Variants in IL1RN observed in about 807,000 individuals in gnomAD.
IL1RN encodes the protein interleukin-1 receptor antagonist protein.
Under a neutral mutation model 13.7 loss-of-function variants are expected in IL1RN, and 10 were observed. That is an observed-to-expected ratio of 0.73 (90% CI 0.45 to 1.24). IL1RN has a LOEUF of 1.24. IL1RN is among the 50% of genes most tolerant of loss of function. The pLI, the probability that IL1RN is intolerant of heterozygous loss-of-function variation, is 0.00. For synonymous variants in IL1RN, 102 were observed against 82.7 expected, an observed-to-expected ratio of 1.23 and a Z score of -1.27; for missense variants, 213 against 222.1, an observed-to-expected ratio of 0.96 and a Z score of 0.26.
chr2:113,108,423 C>A (rs1456698525), upstream of IL1RN, among the ~76,000 whole-genome samples: 1 of 150,782 alleles, frequency 6.6e-6, no homozygotes, highest in African/African-American at 2.5e-5. Flanking sequence ...CCCCACCCCA[C>A]AACAGTCCCC....
At chr2:113,115,679 G>C (rs45587731), upstream of IL1RN, 3 of 152,300 alleles carry the variant, frequency 2.0e-5, no homozygotes, top group Admixed American at 2.0e-4. Flanking sequence ...CTGGGATGTT[G>C]GGCTCCAGGC....
chr2:113,126,460 A>G (rs941008584), upstream of IL1RN, among the ~76,000 whole-genome samples: 53 of 152,176 alleles, frequency 3.5e-4, no homozygotes, highest in African/African-American at 1.3e-3. Flanking sequence ...CCAGCTCTAA[A>G]ACACTGCAAC....
the IL1RN span, among the ~76,000 whole-genome samples, chr2:113,100,184 G>A: frequency 6.6e-6 from 1 of 151,298 alleles, no homozygotes; most frequent in Non-Finnish European, 1.5e-5. Context: ...CAATTAGCCG[G>A]GCGTGGTGGC....
the IL1RN span, among the ~76,000 whole-genome samples, chr2:113,099,860 G>A: frequency 2.8e-5 from 4 of 144,506 alleles, no homozygotes; most frequent in Non-Finnish European, 4.5e-5. Context: ...TCAGCCTCCC[G>A]AGTAGCTGGG....
chr2:113,129,759 G>A (rs1252921678), intron 2 of IL1RN, 95 bp downstream of exon 2: 8 of 840,306 alleles, frequency 9.5e-6, no homozygotes, highest in Non-Finnish European at 1.5e-5. Flanking sequence ...AACCCTAGGT[G>A]CAATGTCCTA....
upstream of IL1RN, among the ~76,000 whole-genome samples, chr2:113,113,640 T>C (rs1686539959): frequency 1.3e-5 from 2 of 152,296 alleles, no homozygotes; most frequent in Middle Eastern, 3.4e-3. Context: ...AGGTGATGGA[T>C]ATGTTTATGG....
chr2:113,102,325 A>G (rs553329617), upstream of IL1RN, among the ~76,000 whole-genome samples: 4 of 152,102 alleles, frequency 2.6e-5, no homozygotes, highest in South Asian at 2.1e-4. Flanking sequence ...CACCAATTCT[A>G]TTGTGTTAGG....
chr2:113,121,111 TTCTTCC>T (rs1686767509), intron 2 of IL1RN, among the ~76,000 whole-genome samples: 1 of 143,870 alleles, frequency 7.0e-6, no homozygotes, highest in Non-Finnish European at 1.5e-5. Flanking sequence ...CCTCTTCCTC[TTCTTCC>T]TCTTCCTCTT....
At chr2:113,099,839 C>A in the IL1RN span, among the ~76,000 whole-genome samples, 2 of 145,548 alleles carry the variant, frequency 1.4e-5, no homozygotes, top group African/African-American at 2.5e-5. Flanking sequence ...GGTTCACGCC[C>A]TTCTCCTGCC....
At chr2:113,131,259 T>C in intron 3 of IL1RN, 102 bp downstream of exon 3, 1 of 765,084 alleles carries the variant, frequency 1.3e-6, no homozygotes, top group South Asian at 1.4e-5. Context: ...ATTAGCTGGG[T>C]AGTTCTGTTC....
upstream of IL1RN, among the ~76,000 whole-genome samples, chr2:113,105,882 T>C (rs1686378772): frequency 6.6e-6 from 1 of 152,246 alleles, no homozygotes; most frequent in African/African-American, 2.4e-5. Flanking sequence ...GAAATGAAAT[T>C]AGTTGATCAA....
chr2:113,105,160 A>G (rs1686369616), upstream of IL1RN, among the ~76,000 whole-genome samples: 1 of 152,184 alleles, frequency 6.6e-6, no homozygotes, highest in Non-Finnish European at 1.5e-5. Context: ...TAGAGGGAGA[A>G]CATATATAGA....
chr2:113,124,207 G>A (rs1212592927), upstream of IL1RN, among the ~76,000 whole-genome samples: 2 of 152,150 alleles, frequency 1.3e-5, no homozygotes, highest in African/African-American at 4.8e-5. Context: ...TGTCTTTTAT[G>A]TGCTATGGTC....
In IL1RN at chr2:113,133,117, C is replaced by CCCTT. The variant is rs1687233383; in HGVS notation, c.*249_*252dup. ...AGAGCACAGCAGCCCCTGCACAAAGCCCTTCCATGTCGCCTCTGCATTCAG... is the reference window on the plus strand; with the variant it reads ...AGAGCACAGCAGCCCCTGCACAAAGCCCTTCCTTCCATGTCGCCTCTGCATTCAG... On this transcript the variant is annotated 3_prime_UTR_variant, in exon 4 of 4. Coordinates refer to ENST00000409930, the MANE Select transcript of IL1RN (RefSeq NM_173842.3). 3.5e-6 allele frequency: 2 copies of CCCTT among 569,990 alleles called. No homozygotes were observed. Among genetic ancestry groups the CCCTT allele is most frequent in the Non-Finnish European group, 6.3e-6 (2 of 316,166 alleles). 35.3% of individuals were successfully genotyped at this position (569,990 alleles called of 1,614,324 possible). A position where few individuals can be genotyped will look rare whatever the true frequency, so the allele number is the denominator to read the frequency against.
upstream of IL1RN, among the ~76,000 whole-genome samples, chr2:113,113,749 CT>C (rs1258404877): frequency 6.6e-6 from 1 of 152,044 alleles, no homozygotes; most frequent in Admixed American, 6.6e-5. Context: ...TCAATCGTAC[CT>C]CAGTAAAGTA....
chr2:113,129,099 G>A (rs1687067102), intron 1 of IL1RN, among the ~76,000 whole-genome samples: 1 of 152,104 alleles, frequency 6.6e-6, no homozygotes, highest in Non-Finnish European at 1.5e-5. Context: ...AGTCTCAGGT[G>A]GCTATTTAAA....
the IL1RN span, among the ~76,000 whole-genome samples, chr2:113,099,579 C>T: frequency 6.6e-6 from 1 of 152,098 alleles, no homozygotes; most frequent in African/African-American, 2.4e-5. Context: ...TGGACTTTCT[C>T]GGCTTTCCTG....
upstream of IL1RN, chr2:113,127,400 A>G (rs1203321272): frequency 1.1e-6 from 1 of 915,282 alleles, no homozygotes; most frequent in Non-Finnish European, 1.3e-6. Context: ...GAAATTGCAC[A>G]GGGGAAAAAG....
chr2:113,104,141 C>T (rs1558857602), upstream of IL1RN, among the ~76,000 whole-genome samples: 1 of 151,996 alleles, frequency 6.6e-6, no homozygotes, highest in Non-Finnish European at 1.5e-5. Flanking sequence ...GGAAGGAAGT[C>T]AAGAGAGTTC....
Sources: gnomAD v4.1 joint callset for allele counts (sites outside exome capture counted in the v4.1 genomes callset) on GRCh38, gnomAD v4.1.1 for gene constraint, MANE v1.5 for transcripts, NCBI Gene and HGNC (gene_info 2026-07-23, HGNC 2026-07-21) for gene names.